The following ADAM12 variants were observed in gnomAD, a reference collection of about 807,000 sequenced individuals.
The protein encoded by ADAM12 is ADAM metallopeptidase domain 12.
A neutral mutation model predicts 106.4 loss-of-function variants in ADAM12; 70 were observed. The ratio of observed to expected loss-of-function variants is 0.66; its 90% CI spans 0.54 to 0.80. The LOEUF (loss-of-function observed/expected upper bound fraction) is 0.80. ADAM12 is among the 30% of genes least tolerant of loss of function. The pLI is 0.00. For synonymous variants in ADAM12, 420 were observed against 433.5 expected (o/e 0.97, Z 0.39); for missense variants, 1,010 against 1,171.9 (o/e 0.86, Z 2.02).
chr10:126,277,733 A>G (rs1473111860), intron 3 of ADAM12, among the ~76,000 whole-genome samples: 1 of 152,078 alleles, frequency 6.6e-6, no homozygotes, highest in African/African-American at 2.4e-5. Context: ...AAAACACCTC[A>G]TTTCTTGTTT....
rs531590733 is a variant in ADAM12 at position 126,015,093 on chromosome 10, A to G, written c.*2186T>C. 5 of 152,242 alleles carry G rather than the reference A, an allele frequency of 3.3e-5. No homozygotes were observed. Among genetic ancestry groups the G allele is most frequent in the Non-Finnish European group, 7.3e-5 (5 of 68,046 alleles). The allele number at this position is 152,242 out of a possible 1,614,324, so 9.4% of individuals were successfully genotyped here. A position where few individuals can be genotyped will look rare whatever the true frequency, so the allele number is the denominator to read the frequency against. ...ATTCAGAAATAAAATGCATGGCTCT[A>G]TAATAACACATTAGTACTGTAGAGA... On this transcript the variant is annotated 3_prime_UTR_variant, in exon 23 of 23. Transcript: ENST00000448723.
chr10:126,196,155 C>G (rs1288479139), intron 3 of ADAM12, among the ~76,000 whole-genome samples: 1 of 152,194 alleles, frequency 6.6e-6, no homozygotes, highest in Non-Finnish European at 1.5e-5. Flanking sequence ...CGTTTGTAGA[C>G]CCTCATTCTA....
At position 126,080,747 on chromosome 10, in the gene ADAM12, GA is replaced by G. The variant is rs142251362; in HGVS notation, c.1146-9094del. Among the ~76,000 whole-genome samples, 3 of 152,006 alleles carry G rather than the reference GA, an allele frequency of 2.0e-5. No homozygotes were observed. In the East Asian group the frequency reaches 5.8e-4, roughly 29 times the overall value. On this transcript the variant is annotated intron_variant, in intron 11 of 22. Coordinates refer to ENST00000448723, the MANE Select transcript of ADAM12 (RefSeq NM_001288973.2). ...AAACAGACAGCTGGGTGATTTTGGG[GA>G]AAAAAACACCACTTTTAAAAAGAGG...
At chr10:126,024,946 G>A (rs1267598374) in intron 21 of ADAM12, among the ~76,000 whole-genome samples, 1 of 152,064 alleles carries the variant, frequency 6.6e-6, no homozygotes, top group African/African-American at 2.4e-5. Flanking sequence ...AAAAACTGAG[G>A]CTACTGGGGT....
chr10:126,158,927 G>A (rs982169405), intron 3 of ADAM12, among the ~76,000 whole-genome samples: 4 of 151,870 alleles, frequency 2.6e-5, no homozygotes, highest in African/African-American at 9.7e-5. Context: ...CATGGAGGGG[G>A]GATGCACAGA....
chr10:126,345,386 G>A (rs1855100477), intron 1 of ADAM12, among the ~76,000 whole-genome samples: 1 of 152,178 alleles, frequency 6.6e-6, no homozygotes, highest in African/African-American at 2.4e-5. Flanking sequence ...ACTTGATCAT[G>A]GTAGATAAAC....
At chr10:126,335,243 T>G (rs1428536446) in intron 1 of ADAM12, among the ~76,000 whole-genome samples, 2 of 152,160 alleles carry the variant, frequency 1.3e-5, no homozygotes, top group Non-Finnish European at 2.9e-5. Context: ...TAAACTCTGA[T>G]GAGATCATTA....
chr10:126,170,422 T>C (rs1957098642), intron 3 of ADAM12, among the ~76,000 whole-genome samples: 1 of 149,644 alleles, frequency 6.7e-6, no homozygotes, highest in Non-Finnish European at 1.5e-5. Flanking sequence ...GATGTGTTTT[T>C]CCTTTAAAAA....
chr10:126,243,554 T>A (rs1321948476), intron 3 of ADAM12, among the ~76,000 whole-genome samples: 1 of 151,506 alleles, frequency 6.6e-6, no homozygotes, highest in Non-Finnish European at 1.5e-5. Context: ...CTTATGGGTG[T>A]GTGTGTAGGC....
At chr10:126,042,124 G>A (rs1244363763) in intron 18 of ADAM12, 1 of 1,613,102 alleles carries the variant, frequency 6.2e-7, no homozygotes, top group African/African-American at 1.3e-5. Flanking sequence ...TCCATGTCAT[G>A]GGAGGGCTCA....
intron 3 of ADAM12, among the ~76,000 whole-genome samples, chr10:126,171,313 A>G (rs1262653292): frequency 1.3e-5 from 2 of 152,204 alleles, no homozygotes; most frequent in Non-Finnish European, 2.9e-5. Context: ...ACAAAATATT[A>G]CCCTGGGTCA....
chr10:126,298,731 T>C (rs1453456202), intron 2 of ADAM12, among the ~76,000 whole-genome samples: 6 of 152,068 alleles, frequency 3.9e-5, no homozygotes, highest in South Asian at 2.1e-4. Flanking sequence ...AGAAGAATCA[T>C]AGTAACATTG....
chr10:126,276,789 A>G (rs1467198665), intron 3 of ADAM12, among the ~76,000 whole-genome samples: 1 of 152,238 alleles, frequency 6.6e-6, no homozygotes, highest in Non-Finnish European at 1.5e-5. Context: ...TATAATTTTG[A>G]GATTATCTCA....
rs779415530 is a variant in ADAM12 at position 126,388,068 on chromosome 10, G to A, written c.78C>T (p.Cys26=). 8.2e-7 allele frequency: 1 copy of A among 1,226,966 alleles called. No homozygotes were observed. Among genetic ancestry groups the A allele is most frequent in the Non-Finnish European group, 1.0e-6 (1 of 983,518 alleles). The allele number at this position is 1,226,966 out of a possible 1,614,324, so 76.0% of individuals were successfully genotyped here. A position where few individuals can be genotyped will look rare whatever the true frequency, so the allele number is the denominator to read the frequency against. The change falls in exon 1 of 23, where the codon TGC becomes TGT. Residue 26 remains cysteine, a synonymous_variant. Coordinates refer to ENST00000448723, the MANE Select transcript of ADAM12 (RefSeq NM_001288973.2). The surrounding 1 kb of genome is among the most constrained non-coding windows in gnomAD (Gnocchi z 4.4). ...AGTTCGGCGACTTACCTCGGGCCTCGCAGGGCGCGAGCAGAGCACCGGCCA... is the reference window on the plus strand; with the variant it reads ...AGTTCGGCGACTTACCTCGGGCCTCACAGGGCGCGAGCAGAGCACCGGCCA... The part of the protein sequence containing the change: ...LALAGALLAP[C]EARGVSLWNQ...
intron 3 of ADAM12, among the ~76,000 whole-genome samples, chr10:126,223,634 G>A (rs1350964324): frequency 6.6e-6 from 1 of 152,236 alleles, no homozygotes; most frequent in African/African-American, 2.4e-5. Flanking sequence ...TACGAGAAGA[G>A]CAGCCCGCGT....
At chr10:126,150,871 C>T (rs534787779) in intron 4 of ADAM12, among the ~76,000 whole-genome samples, 1 of 152,208 alleles carries the variant, frequency 6.6e-6, no homozygotes, top group African/African-American at 2.4e-5. Context: ...GGTTTCATCC[C>T]CATCTTGGTC....
intron 3 of ADAM12, among the ~76,000 whole-genome samples, chr10:126,260,988 A>T (rs1352673742): frequency 1.3e-5 from 2 of 152,250 alleles, no homozygotes; most frequent in African/African-American, 4.8e-5. Context: ...TGCAGCAATA[A>T]AAATGATACA....
chr10:126,254,404 T>C (rs571436770), intron 3 of ADAM12, among the ~76,000 whole-genome samples: 1 of 152,302 alleles, frequency 6.6e-6, no homozygotes. Context: ...GCTGTCGGCA[T>C]TGTCACTGGC....
intron 1 of ADAM12, among the ~76,000 whole-genome samples, chr10:126,363,746 T>C (rs1053834153): frequency 1.3e-5 from 2 of 152,192 alleles, no homozygotes; most frequent in Non-Finnish European, 2.9e-5. Flanking sequence ...CCCATAAACA[T>C]GGCAGCAAGC....
Sources: allele counts gnomAD v4.1 joint callset (sites outside exome capture counted in the v4.1 genomes callset), GRCh38; gene constraint gnomAD v4.1.1; non-coding constraint Gnocchi (gnomAD v3.1); transcripts MANE v1.5; gene names NCBI Gene and HGNC (gene_info 2026-07-23, HGNC 2026-07-21).